The following TRIM77 variants were observed in gnomAD, a reference collection of about 807,000 sequenced individuals.
TRIM77 encodes the protein tripartite motif-containing protein 77.
A neutral mutation model predicts 31.8 loss-of-function variants in TRIM77; 23 were observed. The observed-to-expected ratio is 0.72, with a 90% CI of 0.52 to 1.02. The LOEUF (loss-of-function observed/expected upper bound fraction) is 1.02, where lower values mean the gene tolerates loss of function less well. TRIM77 is among the 50% of genes least tolerant of loss of function. The pLI is 0.00. For synonymous variants in TRIM77, 159 were observed against 183.1 expected (o/e 0.87, Z 1.06); for missense variants, 446 against 539.2 (o/e 0.83, Z 1.71).
chr11:89,717,601 C>G lies in TRIM77; in HGVS notation c.1082C>G (p.Ala361Gly), dbSNP rs1001374289. ...TGGGTTATAGGACTTTGCAGAGAAG[C>G]CTGGACAAAGAGGAATGACATGCGA... ...CNWVIGLCRE[A>G]WTKRNDMRLD... The change falls in exon 6 of 6, where the codon GCC (alanine) becomes GGC (glycine). Residue 361 changes from alanine to glycine, a missense_variant. Around this residue, in one of 3 missense-constraint regions of TRIM77, gnomAD observed 366 missense variants for 447.9 expected, o/e 0.82. Transcript: ENST00000398290. The G allele has an allele frequency of 5.2e-6, 8 of 1,551,270 alleles. No homozygotes were observed. The highest frequency in any genetic ancestry group is 6.1e-6 in the Non-Finnish European group (7 of 1,146,824).
rs777061324 is a variant in TRIM77, at chr11:89,710,578, A to G, written c.280A>G (p.Arg94Gly). 2 of 1,551,686 alleles carry G rather than the reference A, an allele frequency of 1.3e-6. No homozygotes were observed. The highest frequency in any genetic ancestry group is 2.0e-5 in the Admixed American group (1 of 50,992). Residue 94 changes from arginine to glycine, a missense_variant, in exon 1 of 6, where the codon AGG becomes GGG. By Grantham distance (125) the Arg-to-Gly change is moderately radical (BLOSUM62 -2). This residue lies in a region of TRIM77 where 366 missense variants were observed against 447.9 expected (regional missense o/e 0.82). Coordinates refer to ENST00000398290, the MANE Select transcript of TRIM77 (RefSeq NM_001146162.1). ...QLSSSAMLIC[R>G]RHQEIKNLIC... is the part of the protein sequence containing the mutation. ...ATCAAGCTCTGCCATGCTGATCTGT[A>G]GGAGACACCAGGAAATCAAGAACCT... is the stretch of plus-strand genomic sequence containing the variant.
rs1252939866 is a variant in TRIM77 at position 89,710,605 on chromosome 11, A to G, written c.307A>G (p.Ile103Val). 1 of 1,551,480 alleles carries G rather than the reference A, an allele frequency of 6.4e-7. No individual in the cohort carries two copies. The highest frequency in any genetic ancestry group is 1.7e-4 in the Middle Eastern group (1 of 5,988). ...GAGACACCAGGAAATCAAGAACCTCATCTGTGAAACTGATAGGAGCCTGCT... is the reference window on the plus strand; with the variant it reads ...GAGACACCAGGAAATCAAGAACCTCGTCTGTGAAACTGATAGGAGCCTGCT... ...CRRHQEIKNLICETDRSLLCF... is the reference protein window; with the variant it reads ...CRRHQEIKNLVCETDRSLLCF... Residue 103 changes from isoleucine to valine, a missense_variant, in exon 1 of 6, where the codon ATC becomes GTC. This residue lies in a region of TRIM77 where 366 missense variants were observed against 447.9 expected (regional missense o/e 0.82). Transcript: ENST00000398290.
intron 2 of TRIM77, among the ~76,000 whole-genome samples, chr11:89,713,618 G>C (rs1737410902): frequency 6.6e-6 from 1 of 151,898 alleles, no homozygotes; most frequent in Admixed American, 6.6e-5. Flanking sequence ...GCCAGAAAGA[G>C]AGAGTAGGCA....
At chr11:89,714,875 A>C (rs1949149300) in intron 3 of TRIM77, among the ~76,000 whole-genome samples, 1 of 152,220 alleles carries the variant, frequency 6.6e-6, no homozygotes, top group African/African-American at 2.4e-5. Flanking sequence ...CTTGTTGCAG[A>C]TGTTTGTACA....
chr11:89,712,606 T>C lies in TRIM77; in HGVS notation c.507+1101T>C, dbSNP rs570795265. Reference sequence around the variant, plus strand: ...AAATGAATCAGTGGCTTTGTAAGAATGTATTTTTCTGTGGCAGGAAAAACA... The same window carrying C: ...AAATGAATCAGTGGCTTTGTAAGAACGTATTTTTCTGTGGCAGGAAAAACA... On this transcript the variant is annotated intron_variant, in intron 2 of 5. Transcript: ENST00000398290. 2.0e-5 allele frequency among the ~76,000 whole-genome samples: 3 copies of C among 152,322 alleles called. No individual in the cohort carries two copies. In the East Asian group the frequency reaches 5.8e-4, roughly 29 times the overall value.
At position 89,717,491 on chromosome 11, in the gene TRIM77, T is replaced by C; in HGVS notation, c.972T>C (p.Ser324=). The change falls in exon 6 of 6, where the codon AGT becomes AGC. Residue 324 remains serine (S), a synonymous_variant. Transcript: ENST00000398290. ...DDTDMSCNPT[S]TQYTSSWGAQ... is the part of the protein sequence containing the mutation. ...CAGACATGTCCTGTAATCCAACAAG[T>C]ACACAGTATACTTCTTCATGGGGAG... is the stretch of plus-strand genomic sequence containing the variant. 14 of 1,551,570 alleles carry C rather than the reference T, an allele frequency of 9.0e-6. No homozygotes were observed. The highest frequency in any genetic ancestry group is 1.2e-5 in the Non-Finnish European group (14 of 1,146,902).
rs555736802 is a variant in TRIM77 at position 89,715,193 on chromosome 11, C to G, written c.761+13C>G. On this transcript the variant is annotated intron_variant, in intron 4 of 5. Coordinates refer to ENST00000398290, the MANE Select transcript of TRIM77 (RefSeq NM_001146162.1). ...ACGTAATGAAAAGGTAAGTTTGCCC[C>G]TCTATCCAAGTCCTGGTAATTGTGA... is the stretch of plus-strand genomic sequence containing the variant. The G allele has an allele frequency of 6.4e-7, 1 of 1,551,242 alleles. No homozygotes were observed. Among genetic ancestry groups the G allele is most frequent in the South Asian group, 1.2e-5 (1 of 84,026 alleles).
chr11:89,711,892 G>T (rs1591484032), intron 2 of TRIM77, among the ~76,000 whole-genome samples: 2 of 152,110 alleles, frequency 1.3e-5, no homozygotes, highest in African/African-American at 4.8e-5. Flanking sequence ...GTAAAATTTA[G>T]AAATTTACCG....
At position 89,714,348 on chromosome 11, in the gene TRIM77, A is replaced by G; in HGVS notation, c.664A>G (p.Met222Val). Residue 222 changes from methionine to valine, a missense_variant, in exon 3 of 6, where the codon ATG becomes GTG. Transcript: ENST00000398290. The part of the protein sequence containing the change: ...LKRSQTRMAK[M>V]GILLREMYEK... ...GAGAAGTCAAACTAGAATGGCTAAGATGGGTATACTCCTGAGAGAAATGTA... is the reference window on the plus strand; with the variant it reads ...GAGAAGTCAAACTAGAATGGCTAAGGTGGGTATACTCCTGAGAGAAATGTA... 6.4e-7 allele frequency: 1 copy of G among 1,551,732 alleles called. No homozygotes were observed. The highest frequency in any genetic ancestry group is 2.4e-5 in the East Asian group (1 of 40,908).
Position 89,710,664 on chromosome 11 carries a change from T to C in TRIM77, c.366T>C (p.Ala122=). The change falls in exon 1 of 6, where the codon GCT becomes GCC. Residue 122 remains alanine (A), a synonymous_variant. Coordinates refer to ENST00000398290, the MANE Select transcript of TRIM77 (RefSeq NM_001146162.1). ...CFLCSQSPRH[A]THKHYMTREA... ...TATGCTCTCAATCCCCAAGGCATGC[T>C]ACTCACAAACACTATATGACAAGGG... 6.4e-7 allele frequency: 1 copy of C among 1,550,610 alleles called. No individual in the cohort carries two copies. The highest frequency in any genetic ancestry group is 8.7e-7 in the Non-Finnish European group (1 of 1,146,324).
At chr11:89,715,039 A>G in intron 3 of TRIM77, 119 bp from the exon 4 acceptor site, 1 of 907,646 alleles carries the variant, frequency 1.1e-6, no homozygotes, top group Non-Finnish European at 1.6e-6. Context: ...TTATCCAAAG[A>G]AGGAAAGTGG....
Position 89,711,336 on chromosome 11 carries a change from T to C in TRIM77, c.412-74T>C, listed in dbSNP as rs190740896. 1.7e-4 allele frequency: 125 copies of C among 725,850 alleles called. 1 individual carries two copies. The African/African-American group carries it at 2.0e-3, about 12-fold the overall frequency. The allele number at this position is 725,850 out of a possible 1,614,324, so 45.0% of individuals were successfully genotyped here. On this transcript the variant is annotated intron_variant, in intron 1 of 5. Coordinates refer to ENST00000398290, the MANE Select transcript of TRIM77 (RefSeq NM_001146162.1). ...GCACTCTTTACTTGTCCCATGTCTG[T>C]ACCTCTTTTGGTAGTATCTGAAATA...
At chr11:89,716,381 C>T (rs979060127) in intron 5 of TRIM77, among the ~76,000 whole-genome samples, 1 of 152,042 alleles carries the variant, frequency 6.6e-6, no homozygotes, top group African/African-American at 2.4e-5. Flanking sequence ...TGTTGTTATT[C>T]GAATGTTTAC....
chr11:89,716,143 TTAA>T (rs2134547741), intron 5 of TRIM77, among the ~76,000 whole-genome samples, 156 bp downstream of exon 5: 1 of 152,268 alleles, frequency 6.6e-6, no homozygotes, highest in East Asian at 1.9e-4. Flanking sequence ...TTTAAAACTG[TTAA>T]TAAACTTTCA....
intron 2 of TRIM77, among the ~76,000 whole-genome samples, chr11:89,713,623 T>C (rs11828279): frequency 0.029 from 4,339 of 148,152 alleles, 133 homozygotes; most frequent in African/African-American, 0.078. Context: ...AAAGAGAGAG[T>C]AGGCAAACAA....
At chr11:89,716,563 A>G (rs1949162094) in intron 5 of TRIM77, among the ~76,000 whole-genome samples, 1 of 152,158 alleles carries the variant, frequency 6.6e-6, no homozygotes, top group Non-Finnish European at 1.5e-5. Context: ...TGGCATATAG[A>G]AGAGAGGCAG....
chr11:89,713,902 G>A lies in TRIM77; in HGVS notation c.508-290G>A, dbSNP rs573156512. 4.6e-5 allele frequency among the ~76,000 whole-genome samples: 7 copies of A among 152,160 alleles called. No individual in the cohort carries two copies. The South Asian group carries it at 1.2e-3, about 27-fold the overall frequency. On this transcript the variant is annotated intron_variant, in intron 2 of 5. Coordinates refer to ENST00000398290, the MANE Select transcript of TRIM77 (RefSeq NM_001146162.1). Reference sequence around the variant, plus strand: ...AATAAAATTTAGGTATAATGATGAAGAGGTTAGAACATTATATAAGACAAC... The same window carrying A: ...AATAAAATTTAGGTATAATGATGAAAAGGTTAGAACATTATATAAGACAAC...
intron 1 of TRIM77, among the ~76,000 whole-genome samples, chr11:89,710,995 A>G (rs1301634456): frequency 6.6e-6 from 1 of 152,170 alleles, no homozygotes; most frequent in Non-Finnish European, 1.5e-5. Context: ...AAGAAGCTCT[A>G]TATTAATCAC....
At chr11:89,713,508 T>C (rs1949138936) in intron 2 of TRIM77, among the ~76,000 whole-genome samples, 1 of 144,846 alleles carries the variant, frequency 6.9e-6, no homozygotes, top group African/African-American at 2.5e-5. Context: ...AATAATATAA[T>C]TGAGTGAAAG....
Sources: gnomAD v4.1 joint callset for allele counts (sites outside exome capture counted in the v4.1 genomes callset) on GRCh38, gnomAD v4.1.1 for gene constraint, gnomAD v4.1.1 regional missense constraint, MANE v1.5 for transcripts, NCBI Gene and HGNC (gene_info 2026-07-23, HGNC 2026-07-21) for gene names.